ZNF239: variants seen among roughly 807,000 people sequenced by gnomAD.
ZNF239 encodes zinc finger protein (C2H2) homologous to mouse MOK-2.
ZNF239 carries 16 observed loss-of-function variants against 27.5 expected under a neutral mutation model. The ratio of observed to expected loss-of-function variants is 0.58; its 90% CI spans 0.39 to 0.88. The LOEUF (loss-of-function observed/expected upper bound fraction) is 0.88, where lower values mean the gene tolerates loss of function less well. Among genes scored for constraint, ZNF239 ranks in the 40% least tolerant of loss-of-function variants. The pLI is 0.00. For synonymous variants in ZNF239, 199 were observed against 192.6 expected (o/e 1.03, Z -0.27); for missense variants, 527 against 551.9 (o/e 0.95, Z 0.45).
intron 3 of ZNF239, among the ~76,000 whole-genome samples, chr10:43,567,160 A>G (rs1245923426): frequency 1.3e-5 from 2 of 150,978 alleles, no homozygotes; most frequent in Admixed American, 6.6e-5. Flanking sequence ...AAAAGAAAAC[A>G]AAAAAGTGTT....
At chr10:43,560,919 A>G (rs907527653) in intron 3 of ZNF239, among the ~76,000 whole-genome samples, 8 of 152,208 alleles carry the variant, frequency 5.3e-5, no homozygotes, top group African/African-American at 1.7e-4. Flanking sequence ...CAATCTAATA[A>G]TAAAATATAA....
At chr10:43,561,589 A>G (rs2132252326) in intron 3 of ZNF239, among the ~76,000 whole-genome samples, 1 of 152,384 alleles carries the variant, frequency 6.6e-6, no homozygotes, top group South Asian at 2.1e-4. Context: ...AGATTCAATT[A>G]CTAAAACAAT....
chr10:43,556,864 C>T lies in ZNF239; in HGVS notation c.1216G>A (p.Gly406Ser), dbSNP rs746870458. 6.2e-7 allele frequency: 1 copy of T among 1,613,808 alleles called. No homozygotes were observed. Among genetic ancestry groups the T allele is most frequent in the Non-Finnish European group, 8.5e-7 (1 of 1,179,962 alleles). The change falls in exon 4 of 4, where the codon GGC becomes AGC. Residue 406 changes from glycine (G) to serine (S), a missense_variant. Physicochemically the swap from Gly to Ser is moderately conservative, Grantham distance 56. Coordinates refer to ENST00000374446, the MANE Select transcript of ZNF239 (RefSeq NM_001099282.2). The part of the protein sequence containing the change: ...VHTGEKPYHC[G>S]KCGKGFSQSS... ...TGGCTAAATCCCTTCCCACACTTGC[C>T]ACAGTGATAGGGCTTCTCTCCAGTG...
rs1235675520 is a variant in ZNF239 at position 43,556,744 on chromosome 10, G to T, written c.1336C>A (p.Leu446Ile). The stretch of plus-strand genomic sequence containing the variant: ...TTGTGAACCCGCTGGTGGATGTGAA[G>T]GTTGGAGCTCTGGCTGAAGCCCTTC... ...CGKGFSQSSN[L>I]HIHQRVHKKD... Residue 446 changes from leucine (L) to isoleucine (I), a missense_variant, in exon 4 of 4, where the codon CTT becomes ATT. Coordinates refer to ENST00000374446, the MANE Select transcript of ZNF239 (RefSeq NM_001099282.2). 1 of 1,613,982 alleles carries T rather than the reference G, an allele frequency of 6.2e-7. No homozygotes were observed. The highest frequency in any genetic ancestry group is 1.7e-5 in the Admixed American group (1 of 59,992).
intron 3 of ZNF239, among the ~76,000 whole-genome samples, chr10:43,561,486 T>C (rs1444754969): frequency 1.3e-5 from 2 of 152,216 alleles, no homozygotes; most frequent in African/African-American, 2.4e-5. Flanking sequence ...TCTTCAAATT[T>C]TGGGTTAAAA....
intron 2 of ZNF239, chr10:43,570,555 T>C (rs181217649): frequency 1.1e-4 from 110 of 985,160 alleles, no homozygotes; most frequent in African/African-American, 8.9e-4. Context: ...AATTATCTTT[T>C]CTCTCCCTTA....
At position 43,558,127 on chromosome 10, in the gene ZNF239, G is replaced by A. The variant is rs775658493; in HGVS notation, c.-48C>T. 1.3e-6 allele frequency: 2 copies of A among 1,551,440 alleles called. No homozygotes were observed. Among genetic ancestry groups the A allele is most frequent in the African/African-American group, 2.8e-5 (2 of 72,720 alleles). On this transcript the variant is annotated 5_prime_UTR_variant, in exon 4 of 4. Coordinates refer to ENST00000374446, the MANE Select transcript of ZNF239 (RefSeq NM_001099282.2). Reference sequence around the variant, plus strand: ...GAAAGCTCATGTAACAGATCCTGAAGTGTTTTCTGCTGAAGATTCTCCACA... The same window carrying A: ...GAAAGCTCATGTAACAGATCCTGAAATGTTTTCTGCTGAAGATTCTCCACA...
chr10:43,566,814 A>G (rs905238357), intron 3 of ZNF239, among the ~76,000 whole-genome samples: 1 of 152,230 alleles, frequency 6.6e-6, no homozygotes, highest in Admixed American at 6.5e-5. Context: ...TAATTCTATA[A>G]TGAATATCTT....
At chr10:43,567,833 T>C in intron 3 of ZNF239, 66 bp downstream of exon 3, 1 of 865,022 alleles carries the variant, frequency 1.2e-6, no homozygotes, top group Non-Finnish European at 1.4e-6. Context: ...TCCTTTTGTG[T>C]CAAAAAGGAA....
intron 3 of ZNF239, among the ~76,000 whole-genome samples, chr10:43,567,084 G>A (rs1837709620): frequency 6.9e-6 from 1 of 145,802 alleles, no homozygotes. Flanking sequence ...CTGGACGAAA[G>A]AGGGAGACTC....
intron 3 of ZNF239, among the ~76,000 whole-genome samples, chr10:43,563,241 G>A (rs1482127709): frequency 1.3e-5 from 2 of 152,086 alleles, no homozygotes; most frequent in Non-Finnish European, 2.9e-5. Context: ...ACTTGAACCC[G>A]GGAGGTGGAG....
chr10:43,566,525 A>G (rs562124441), intron 3 of ZNF239, among the ~76,000 whole-genome samples: 1 of 152,336 alleles, frequency 6.6e-6, no homozygotes, highest in Non-Finnish European at 1.5e-5. Flanking sequence ...AGCTCAAGCC[A>G]TCTGCCCGCC....
intron 3 of ZNF239, chr10:43,564,386 G>T: frequency 1.8e-6 from 1 of 546,998 alleles, no homozygotes; most frequent in Non-Finnish European, 2.3e-6. Context: ...GCAACAATCT[G>T]ACTAATTTTT....
At chr10:43,574,013 G>A (rs886247053) in intron 1 of ZNF239, among the ~76,000 whole-genome samples, 1 of 152,164 alleles carries the variant, frequency 6.6e-6, no homozygotes, top group Non-Finnish European at 1.5e-5. Context: ...GATGGATTTC[G>A]GTTGCCCAAG....
intron 3 of ZNF239, among the ~76,000 whole-genome samples, chr10:43,565,677 T>A (rs1313969236): frequency 6.6e-6 from 1 of 151,478 alleles, no homozygotes; most frequent in Non-Finnish European, 1.5e-5. Context: ...TAGCCGGGCA[T>A]GGTGGCACGC....
chr10:43,574,117 A>G (rs956181468), intron 1 of ZNF239, among the ~76,000 whole-genome samples: 3 of 152,208 alleles, frequency 2.0e-5, no homozygotes, highest in Non-Finnish European at 4.4e-5. Context: ...AGTGCTGCGG[A>G]CAGAAACCTC....
At chr10:43,572,555 A>T (rs1838097579) in intron 2 of ZNF239, among the ~76,000 whole-genome samples, 1 of 152,360 alleles carries the variant, frequency 6.6e-6, no homozygotes, top group East Asian at 1.9e-4. Flanking sequence ...GAACAGCCTG[A>T]AGGAAGAAAA....
chr10:43,557,886 G>A lies in ZNF239; in HGVS notation c.194C>T (p.Pro65Leu). 1 of 1,614,196 alleles carries A rather than the reference G, an allele frequency of 6.2e-7. No individual in the cohort carries two copies. The highest frequency in any genetic ancestry group is 1.1e-5 in the South Asian group (1 of 91,086). ...FENIESETYL[P>L]LKVSSQIDTQ... ...GTCTATTTGGCTTGAGACTTTCAAA[G>A]GCAAATATGTTTCACTTTCAATGTT... Residue 65 changes from proline (P) to leucine (L), a missense_variant, in exon 4 of 4, where the codon CCT (proline) becomes CTT (leucine). Pro to Leu is a moderately conservative substitution (Grantham distance 98). Coordinates refer to ENST00000374446, the MANE Select transcript of ZNF239 (RefSeq NM_001099282.2).
chr10:43,556,690 G>T lies in ZNF239; in HGVS notation c.*13C>A. 1 of 1,608,284 alleles carries T rather than the reference G, an allele frequency of 6.2e-7. No homozygotes were observed. The highest frequency in any genetic ancestry group is 1.1e-5 in the South Asian group (1 of 90,606). The stretch of plus-strand genomic sequence containing the variant: ...GTATGAGCGCTGTGAAGACCTGAAT[G>T]GGCTAATGTCAGTTAGCGAGGATCT... On this transcript the variant is annotated 3_prime_UTR_variant, in exon 4 of 4. Transcript: ENST00000374446.
Sources: allele counts gnomAD v4.1 joint callset (sites outside exome capture counted in the v4.1 genomes callset), GRCh38; gene constraint gnomAD v4.1.1; transcripts MANE v1.5; gene names NCBI Gene and HGNC (gene_info 2026-07-23, HGNC 2026-07-21).